C14orf39: variants seen among roughly 807,000 people sequenced by gnomAD.
The protein encoded by C14orf39 is chromosome 14 open reading frame 39, also known as protein SIX6OS1.
In C14orf39, 66 loss-of-function variants were observed where a neutral mutation model predicts 85.6. The observed-to-expected ratio is 0.77, with a 90% confidence interval of 0.63 to 0.95. The LOEUF is 0.95. C14orf39 is among the 40% of genes least tolerant of loss of function. The pLI, the probability that C14orf39 is intolerant of heterozygous loss-of-function variation, is 0.00. For missense variants in C14orf39, 735 were observed against 663.9 expected (o/e 1.11, Z -1.18); for synonymous variants, 242 against 214.0 (o/e 1.13, Z -1.14).
intron 1 of C14orf39, among the ~76,000 whole-genome samples, chr14:60,501,385 C>T (rs1325700415): frequency 6.6e-6 from 1 of 150,694 alleles, no homozygotes; most frequent in Non-Finnish European, 1.5e-5. Context: ...CACACATCCA[C>T]ACATAGGAGA....
intron 4 of C14orf39, among the ~76,000 whole-genome samples, chr14:60,481,680 T>C (rs1225196234): frequency 1.3e-5 from 2 of 152,178 alleles, no homozygotes; most frequent in African/African-American, 2.4e-5. Context: ...ATTTAATTAT[T>C]GCTTTAATTT....
chr14:60,468,626 T>G (rs912905610), intron 8 of C14orf39, 90 bp from the exon 9 acceptor site: 1 of 609,682 alleles, frequency 1.6e-6, no homozygotes, highest in Admixed American at 3.6e-5. Flanking sequence ...TTCTATATAA[T>G]CATAAGATTC....
At position 60,461,402 on chromosome 14, in the gene C14orf39, G is replaced by T; in HGVS notation, c.1069C>A (p.Pro357Thr). 1 of 1,608,338 alleles carries T rather than the reference G, an allele frequency of 6.2e-7. No homozygotes were observed. Among genetic ancestry groups the T allele is most frequent in the Non-Finnish European group, 8.5e-7 (1 of 1,176,498 alleles). Residue 357 changes from proline (P) to threonine (T), a missense_variant, in exon 13 of 18, where the codon CCA becomes ACA. Pro to Thr is a conservative substitution (Grantham distance 38). Transcript: ENST00000321731. Reference protein sequence around the residue: ...QKFMQVRLLTPQKQSNSNQWS... With the variant: ...QKFMQVRLLTTQKQSNSNQWS... ...TGATTGGAATTTGATTGTTTCTGTGGGGTTAACAATCTAAAATGGAATAAA... is the reference window on the plus strand; with the variant it reads ...TGATTGGAATTTGATTGTTTCTGTGTGGTTAACAATCTAAAATGGAATAAA...
At chr14:60,451,626 G>A (rs1434252288) in intron 16 of C14orf39, among the ~76,000 whole-genome samples, 1 of 148,704 alleles carries the variant, frequency 6.7e-6, no homozygotes, top group Non-Finnish European at 1.5e-5. Context: ...TCATAGGTGG[G>A]AATTGAACAA....
chr14:60,489,136 A>G (rs1892947640), upstream of C14orf39, among the ~76,000 whole-genome samples: 1 of 152,204 alleles, frequency 6.6e-6, no homozygotes, highest in Non-Finnish European at 1.5e-5. Flanking sequence ...CCAAATATTT[A>G]TCTTTATATG....
chr14:60,471,682 T>C lies in C14orf39; in HGVS notation c.381A>G (p.Leu127=). The C allele has an allele frequency of 6.2e-7, 1 of 1,600,806 alleles. No homozygotes were observed. Among genetic ancestry groups the C allele is most frequent in the Non-Finnish European group, 8.5e-7 (1 of 1,171,958 alleles). ...QYKEVLKQYQ[L]KYSETPFSRE... ...GTGAAAAGGGTGTTTCTGAGTATTT[T>C]AGTTGGTACTGCTTCAAAACTTCTT... The change falls in exon 6 of 18, where the codon CTA becomes CTG. Residue 127 remains leucine, a synonymous_variant. Coordinates refer to ENST00000321731, the MANE Select transcript of C14orf39 (RefSeq NM_174978.3).
rs1438083641 is a variant in C14orf39, at chr14:60,504,192, G to A, written c.-143-4762C>T. ...TTGAAGGGTAAGATGTCATGTGACT[G>A]TATTTTTTATAATGCAATATTTAAT... On this transcript the variant is annotated intron_variant, in intron 1 of 5. Coordinates refer to the C14orf39 transcript ENST00000556799. Among the ~76,000 whole-genome samples, 7 of 152,204 alleles carry A rather than the reference G, an allele frequency of 4.6e-5. 1 individual carries two copies. Among genetic ancestry groups the A allele is most frequent in the Admixed American group, 4.6e-4 (7 of 15,280 alleles).
At chr14:60,446,847 C>T (rs894236179) in intron 16 of C14orf39, among the ~76,000 whole-genome samples, 2 of 152,086 alleles carry the variant, frequency 1.3e-5, no homozygotes, top group South Asian at 2.1e-4. Context: ...AAAGTTTATC[C>T]ACCACAATAA....
At chr14:60,466,084 T>C (rs371436265) in intron 10 of C14orf39, 29 bp from the exon 11 acceptor site, 5 of 1,128,798 alleles carry the variant, frequency 4.4e-6, no homozygotes, top group Non-Finnish European at 6.1e-6. Flanking sequence ...CTACTTTAAA[T>C]CAATGCTGGA....
chr14:60,484,789 C>T lies in C14orf39; in HGVS notation c.106+92G>A, dbSNP rs1326988210. Reference sequence around the variant, plus strand: ...AGAACTGACACAAAAGTTATAACGCCAACAATAAGTTGCCCTAAACAGAGC... The same window carrying T: ...AGAACTGACACAAAAGTTATAACGCTAACAATAAGTTGCCCTAAACAGAGC... On this transcript the variant is annotated intron_variant, in intron 3 of 17. Transcript: ENST00000321731. This position sits in a 1 kb window ranked among gnomAD's most constrained non-coding sequence, Gnocchi z 4.2. 1.8e-5 allele frequency: 16 copies of T among 878,510 alleles called. No homozygotes were observed. The highest frequency in any genetic ancestry group is 2.7e-5 in the Non-Finnish European group (15 of 562,248). 54.4% of individuals were successfully genotyped at this position (878,510 alleles called of 1,614,324 possible).
intron 2 of C14orf39, among the ~76,000 whole-genome samples, chr14:60,497,701 C>T (rs968690670): frequency 1.3e-5 from 2 of 152,048 alleles, no homozygotes; most frequent in African/African-American, 4.8e-5. Flanking sequence ...CATGGTGAAA[C>T]CCCATCTCTA....
At position 60,436,957 on chromosome 14, in the gene C14orf39, T is replaced by C. The variant is rs1431006213; in HGVS notation, c.1652A>G (p.Asp551Gly). Residue 551 changes from aspartate to glycine, a missense_variant, in exon 18 of 18, where the codon GAT (aspartate) becomes GGT (glycine). Coordinates refer to ENST00000321731, the MANE Select transcript of C14orf39 (RefSeq NM_174978.3). Reference protein sequence around the residue: ...TSTHTFGAGKDDFSFPFSFGQ... With the variant: ...TSTHTFGAGKGDFSFPFSFGQ... Reference sequence around the variant, plus strand: ...AAATGAAAATGGAAAACTAAAATCATCTTTTCCAGCTCCAAATGTATGAGT... The same window carrying C: ...AAATGAAAATGGAAAACTAAAATCACCTTTTCCAGCTCCAAATGTATGAGT... 2 of 1,612,738 alleles carry C rather than the reference T, an allele frequency of 1.2e-6. No homozygotes were observed. Among genetic ancestry groups the C allele is most frequent in the Non-Finnish European group, 1.7e-6 (2 of 1,179,046 alleles).
In C14orf39 at chr14:60,436,410, A is replaced by G. The variant is rs1197678669; in HGVS notation, c.*435T>C. The G allele has an allele frequency of 1.3e-5, 2 of 155,458 alleles. No individual in the cohort carries two copies. Among genetic ancestry groups the G allele is most frequent in the Admixed American group, 1.3e-4 (2 of 15,472 alleles). 9.6% of individuals were successfully genotyped at this position (155,458 alleles called of 1,614,324 possible). A position where few individuals can be genotyped will look rare whatever the true frequency, so the allele number is the denominator to read the frequency against. ...TACTACATAGTGAAGCAGAAGTGAA[A>G]CCCAATAATTTTAATAGAAATTTTT... On this transcript the variant is annotated 3_prime_UTR_variant, in exon 18 of 18. Coordinates refer to ENST00000321731, the MANE Select transcript of C14orf39 (RefSeq NM_174978.3).
intron 1 of C14orf39, among the ~76,000 whole-genome samples, chr14:60,506,592 C>T (rs967924906): frequency 3.3e-5 from 5 of 152,188 alleles, no homozygotes; most frequent in Non-Finnish European, 5.9e-5. Flanking sequence ...GGTGCCCTGG[C>T]GCAGTCTATT....
At chr14:60,446,713 T>C (rs572962929) in intron 16 of C14orf39, among the ~76,000 whole-genome samples, 1 of 152,318 alleles carries the variant, frequency 6.6e-6, no homozygotes, top group African/African-American at 2.4e-5. Flanking sequence ...GCCAGCATCA[T>C]CTTGATACCA....
chr14:60,453,742 A>T (rs1183850774), intron 16 of C14orf39, among the ~76,000 whole-genome samples: 2 of 151,768 alleles, frequency 1.3e-5, no homozygotes, highest in Non-Finnish European at 3.0e-5. Flanking sequence ...ACAGTTATTA[A>T]TTATTTTGCC....
At chr14:60,501,636 T>C (rs1595496236) in intron 1 of C14orf39, among the ~76,000 whole-genome samples, 1 of 152,172 alleles carries the variant, frequency 6.6e-6, no homozygotes, top group Admixed American at 6.5e-5. Flanking sequence ...AGGAAACAAA[T>C]ACAGAGGGCA....
At chr14:60,496,482 C>A in intron 2 of C14orf39, 1 of 260,904 alleles carries the variant, frequency 3.8e-6, no homozygotes. Flanking sequence ...TAGCTGCCAC[C>A]ATTCTCCATG....
chr14:60,504,230 C>A (rs1406826090), intron 1 of C14orf39, among the ~76,000 whole-genome samples: 3 of 152,148 alleles, frequency 2.0e-5, no homozygotes, highest in Admixed American at 1.3e-4. Flanking sequence ...GCACTTTTTG[C>A]TAACTAGCTG....
Sources: gnomAD v4.1 joint callset for allele counts (sites outside exome capture counted in the v4.1 genomes callset) on GRCh38, gnomAD v4.1.1 for gene constraint, Gnocchi (gnomAD v3.1) non-coding constraint, MANE v1.5 for transcripts, NCBI Gene and HGNC (gene_info 2026-07-23, HGNC 2026-07-21) for gene names.